The following WRN variants were observed in gnomAD, a reference collection of about 807,000 sequenced individuals.
The protein encoded by WRN is bifunctional 3'-5' exonuclease/ATP-dependent helicase WRN.
A neutral mutation model predicts 180.7 loss-of-function variants in WRN; 149 were observed. The observed-to-expected ratio is 0.82, with a 90% CI of 0.72 to 0.94. The LOEUF is 0.94. WRN is among the 40% of genes least tolerant of loss of function. The probability of loss-of-function intolerance (pLI) is 0.00; values close to 1 mark genes in which losing one functional copy is unlikely to be tolerated. For synonymous variants in WRN, 548 were observed against 568.9 expected (o/e 0.96, Z 0.52); for missense variants, 1,661 against 1,700.1 (o/e 0.98, Z 0.40).
intron 28 of WRN, among the ~76,000 whole-genome samples, chr8:31,146,187 A>G (rs1802849822): frequency 6.6e-6 from 1 of 151,424 alleles, no homozygotes; most frequent in African/African-American, 2.4e-5. Flanking sequence ...TGACTTAGCA[A>G]TTTTAGAAAT....
chr8:31,088,741 A>G, intron 12 of WRN, 149 bp from the exon 13 acceptor site: 1 of 681,930 alleles, frequency 1.5e-6, no homozygotes, highest in East Asian at 2.8e-5. Flanking sequence ...CCAGAAGACC[A>G]GTTTGTATTG....
Position 31,072,558 on chromosome 8 carries a change from C to G in WRN, c.725-3615C>G, listed in dbSNP as rs556444769. ...TATGTTGCCCAGCCTGGCTCAGACTCGTGGCCTCAAGCGATCCTCCTGCCT... is the reference window on the plus strand; with the variant it reads ...TATGTTGCCCAGCCTGGCTCAGACTGGTGGCCTCAAGCGATCCTCCTGCCT... On this transcript the variant is annotated intron_variant, in intron 7 of 34. Coordinates refer to ENST00000298139, the MANE Select transcript of WRN (RefSeq NM_000553.6). Among the ~76,000 whole-genome samples the G allele has an allele frequency of 4.6e-5, 7 of 152,278 alleles. 1 individual carries two copies. The highest frequency in any genetic ancestry group is 1.4e-4 in the African/African-American group (6 of 41,552).
intron 17 of WRN, among the ~76,000 whole-genome samples, chr8:31,098,598 G>A (rs746778864): frequency 3.9e-5 from 6 of 152,064 alleles, no homozygotes; most frequent in Admixed American, 1.3e-4. Context: ...CTTTTGTTGC[G>A]GGAAATTGTA....
At chr8:31,124,772 G>T in intron 22 of WRN, 136 bp from the exon 23 acceptor site, 1 of 1,195,786 alleles carries the variant, frequency 8.4e-7, no homozygotes. Flanking sequence ...ACTTCTTTGT[G>T]TCTGAGTAAA....
At chr8:31,111,860 T>C in intron 19 of WRN, 61 bp downstream of exon 19, 1 of 1,544,500 alleles carries the variant, frequency 6.5e-7, no homozygotes, top group Non-Finnish European at 8.9e-7. Flanking sequence ...TTTAACAACT[T>C]ATGTATTTTA....
At chr8:31,156,703 G>A (rs978836170) in intron 32 of WRN, among the ~76,000 whole-genome samples, 1 of 152,290 alleles carries the variant, frequency 6.6e-6, no homozygotes, top group African/African-American at 2.4e-5. Context: ...GTGTTTAAAA[G>A]AATGTTTTAC....
Position 31,058,428 on chromosome 8 carries a change from G to A in WRN, c.-20G>A. On this transcript the variant is annotated 5_prime_UTR_variant, in exon 2 of 35. Transcript: ENST00000298139. Reference sequence around the variant, plus strand: ...ATGAAGACATTGTTTTTTGGACTCTGCAAATAGGACATTTCAAAGATGAGT... The same window carrying A: ...ATGAAGACATTGTTTTTTGGACTCTACAAATAGGACATTTCAAAGATGAGT... 2 of 1,608,928 alleles carry A rather than the reference G, an allele frequency of 1.2e-6. No homozygotes were observed. The highest frequency in any genetic ancestry group is 1.7e-6 in the Non-Finnish European group (2 of 1,176,336).
At chr8:31,043,606 A>C (rs1424627864) in intron 1 of WRN, among the ~76,000 whole-genome samples, 1 of 152,156 alleles carries the variant, frequency 6.6e-6, no homozygotes, top group Non-Finnish European at 1.5e-5. Flanking sequence ...CTTTACTAAA[A>C]CCATGAGACA....
At chr8:31,041,462 C>T (rs1199075956) in intron 1 of WRN, among the ~76,000 whole-genome samples, 1 of 152,222 alleles carries the variant, frequency 6.6e-6, no homozygotes, top group African/African-American at 2.4e-5. Context: ...CTCACAGACA[C>T]ACCCAGAATA....
chr8:31,114,815 C>G (rs889398865), intron 19 of WRN, among the ~76,000 whole-genome samples: 1 of 151,468 alleles, frequency 6.6e-6, no homozygotes, highest in Non-Finnish European at 1.5e-5. Flanking sequence ...TAAATTAGAG[C>G]CTTAATATAT....
Position 31,109,135 on chromosome 8 carries a change from G to A in WRN, c.2089-2480G>A, listed in dbSNP as rs113019291. On this transcript the variant is annotated intron_variant, in intron 18 of 34. Transcript: ENST00000298139. ...CGCCCCCAGAACTACCAGCTGTAGT[G>A]TGGTCTATTCCCAGACAGCAACATG... 1.9e-3 allele frequency among the ~76,000 whole-genome samples: 288 copies of A among 152,292 alleles called. 2 individuals carry two copies. The highest frequency in any genetic ancestry group is 6.6e-3 in the African/African-American group (273 of 41,570).
rs146727423 is a variant in WRN at position 31,132,425 on chromosome 8, A to G, written c.2886A>G (p.Gln962=). 2.5e-5 allele frequency: 41 copies of G among 1,614,076 alleles called. No homozygotes were observed. The African/African-American group carries it at 4.4e-4, about 17-fold the overall frequency. The change falls in exon 24 of 35, where the codon CAA becomes CAG. Residue 962 remains glutamine (Q), a synonymous_variant. Coordinates refer to ENST00000298139, the MANE Select transcript of WRN (RefSeq NM_000553.6). ...SEDTSWDFGP[Q]AFKLLSAVDI... ...ATACATCCTGGGACTTTGGTCCACA[A>G]GCATTTAAGCTTTTGTCTGCTGTGG...
At chr8:31,161,004 A>G (rs1024166230) in intron 33 of WRN, among the ~76,000 whole-genome samples, 1 of 151,266 alleles carries the variant, frequency 6.6e-6, no homozygotes, top group Non-Finnish European at 1.5e-5. Context: ...AAAAAAATAG[A>G]ATTTGTGCAG....
intron 7 of WRN, among the ~76,000 whole-genome samples, chr8:31,072,541 C>T (rs1398623635): frequency 2.0e-5 from 3 of 152,070 alleles, no homozygotes; most frequent in African/African-American, 7.2e-5. Context: ...ATTATGTTGC[C>T]CAGCCTGGCT....
intron 33 of WRN, 80 bp downstream of exon 33, chr8:31,157,610 C>G (rs1204739104): frequency 1.3e-6 from 2 of 1,537,248 alleles, no homozygotes; most frequent in Admixed American, 3.6e-5. Context: ...TCACTGTTAA[C>G]AGCATTAATC....
chr8:31,157,311 C>T, intron 32 of WRN, 57 bp from the exon 33 acceptor site: 1 of 1,606,698 alleles, frequency 6.2e-7, no homozygotes, highest in Admixed American at 1.7e-5. Context: ...ATTTTATTTC[C>T]ATGACTGGAG....
chr8:31,069,621 G>C (rs1812833114), intron 7 of WRN, among the ~76,000 whole-genome samples: 1 of 152,216 alleles, frequency 6.6e-6, no homozygotes, highest in South Asian at 2.1e-4. Flanking sequence ...AATGTGTATA[G>C]ATTATATGCA....
At chr8:31,161,778 G>A (rs568084815) in intron 33 of WRN, among the ~76,000 whole-genome samples, 1 of 146,180 alleles carries the variant, frequency 6.8e-6, no homozygotes, top group East Asian at 2.1e-4. Flanking sequence ...GGTGGAGGTT[G>A]CAGTGAGTCA....
At chr8:31,112,256 ATGAT>A (rs1442216210) in intron 19 of WRN, among the ~76,000 whole-genome samples, 1 of 151,818 alleles carries the variant, frequency 6.6e-6, no homozygotes, top group Non-Finnish European at 1.5e-5. Flanking sequence ...TATACTTTTA[ATGAT>A]TGATAAGTAA....
Sources: gnomAD v4.1 joint callset for allele counts (sites outside exome capture counted in the v4.1 genomes callset) on GRCh38, gnomAD v4.1.1 for gene constraint, MANE v1.5 for transcripts, NCBI Gene and HGNC (gene_info 2026-07-23, HGNC 2026-07-21) for gene names.